Variants in VPS13D observed in about 807,000 individuals in gnomAD.
VPS13D encodes the protein intermembrane lipid transfer protein VPS13D.
VPS13D carries 187 observed loss-of-function variants against 461.9 expected under a neutral mutation model. That is an observed-to-expected ratio of 0.40 (90% CI 0.36 to 0.46). VPS13D has a LOEUF of 0.46. VPS13D is among the 20% of genes least tolerant of loss of function. VPS13D has a pLI of 0.60. For missense variants in VPS13D, 4,711 were observed against 5,364.9 expected (o/e 0.88, Z 3.81); for synonymous variants, 1,951 against 1,986.3 (o/e 0.98, Z 0.47).
At position 12,249,215 on chromosome 1, in the gene VPS13D, C is replaced by T. The variant is rs1414109534; in HGVS notation, c.448-8C>T. On this transcript the variant is annotated splice_region_variant and splice_polypyrimidine_tract_variant and intron_variant, in intron 5 of 69. Transcript: ENST00000620676. The stretch of plus-strand genomic sequence containing the variant: ...GCATCAGCTGCTTTTTCTTTTTTCT[C>T]TTTGCAGTTAAAAATTCAAGATGTC... 3.7e-6 allele frequency: 6 copies of T among 1,602,614 alleles called. No individual in the cohort carries two copies. Among genetic ancestry groups the T allele is most frequent in the Non-Finnish European group, 4.3e-6 (5 of 1,173,768 alleles).
At chr1:12,356,194 A>G (rs769509945) in intron 48 of VPS13D, 104 bp downstream of exon 48, 4 of 1,430,382 alleles carry the variant, frequency 2.8e-6, no homozygotes, top group Non-Finnish European at 3.8e-6. Flanking sequence ...GATTACTTCA[A>G]CAGTCTGAGC....
chr1:12,275,745 A>G (rs574197615), intron 18 of VPS13D, 80 bp from the exon 19 acceptor site: 33 of 1,426,546 alleles, frequency 2.3e-5, no homozygotes, highest in Non-Finnish European at 2.8e-5. Flanking sequence ...TTGATTCTCT[A>G]CCTTTCATAA....
rs769584725 is a variant in VPS13D at position 12,277,337 on chromosome 1, A to G, written c.3749A>G (p.Asp1250Gly). 5 of 1,614,208 alleles carry G rather than the reference A, an allele frequency of 3.1e-6. No individual in the cohort carries two copies. In the South Asian group the frequency reaches 3.3e-5, roughly 11 times the overall value. Reference protein sequence around the residue: ...NSVGYENIISDIGYFESVFVR... With the variant: ...NSVGYENIISGIGYFESVFVR... The stretch of plus-strand genomic sequence containing the variant: ...GTAGGCTATGAAAATATCATCAGTG[A>G]TATTGGCTACTTTGAATCTGTGTTT... The change falls in exon 19 of 70, where the codon GAT becomes GGT. Residue 1250 changes from aspartate to glycine, a missense_variant. Physicochemically the swap from Asp to Gly is moderately conservative, Grantham distance 94. Coordinates refer to ENST00000620676, the MANE Select transcript of VPS13D (RefSeq NM_015378.4).
intron 60 of VPS13D, among the ~76,000 whole-genome samples, chr1:12,387,055 CA>C (rs1188949318): frequency 6.6e-6 from 1 of 152,174 alleles, no homozygotes. Flanking sequence ...AAGTATTAGT[CA>C]GTGATGTATG....
intron 17 of VPS13D, 88 bp downstream of exon 17, chr1:12,271,212 T>C: frequency 1.3e-6 from 2 of 1,519,064 alleles, no homozygotes; most frequent in African/African-American, 1.4e-5. Flanking sequence ...TAGATAGGCT[T>C]ACTTATATCA....
At chr1:12,454,155 G>C (rs1645296768) in intron 65 of VPS13D, among the ~76,000 whole-genome samples, 1 of 152,128 alleles carries the variant, frequency 6.6e-6, no homozygotes, top group African/African-American at 2.4e-5. Flanking sequence ...AGGTACTCTG[G>C]CTATTCTCCA....
In VPS13D at chr1:12,308,598, G is replaced by C. The variant is rs766287332; in HGVS notation, c.6607G>C (p.Glu2203Gln). 11 of 1,613,802 alleles carry C rather than the reference G, an allele frequency of 6.8e-6. No homozygotes were observed. The highest frequency in any genetic ancestry group is 2.7e-5 in the African/African-American group (2 of 74,856). ...ACAGACAGGAGGAAGCCTCTTAACC[G>C]AGCCTTGTAGGCTGAAATTGCAGGT... ...VRQTGGSLLT[E>Q]PCRLKLQVER... Residue 2203 changes from glutamate to glutamine, a missense_variant, in exon 27 of 70, where the codon GAG (glutamate) becomes CAG (glutamine). By Grantham distance (29) the Glu-to-Gln change is conservative (BLOSUM62 2). This residue lies in a region of VPS13D where 4,411 missense variants were observed against 4,937.8 expected (regional missense o/e 0.89). Coordinates refer to ENST00000620676, the MANE Select transcript of VPS13D (RefSeq NM_015378.4).
rs961634124 is a variant in VPS13D at position 12,509,259 on chromosome 1, A to G, written c.*235A>G. On this transcript the variant is annotated 3_prime_UTR_variant, in exon 70 of 70. Transcript: ENST00000620676. ...AATTTTTAAAGGTATTGGTTAAATA[A>G]CGTTTAAAAACATGTACTGAGATGA... The G allele has an allele frequency of 2.0e-6, 1 of 504,398 alleles. No homozygotes were observed. Among genetic ancestry groups the G allele is most frequent in the Non-Finnish European group, 3.4e-6 (1 of 292,920 alleles). The allele number at this position is 504,398 out of a possible 1,614,324, so 31.2% of individuals were successfully genotyped here. A position where few individuals can be genotyped will look rare whatever the true frequency, so the allele number is the denominator to read the frequency against.
chr1:12,508,764 A>G, intron 69 of VPS13D, 129 bp from the exon 70 acceptor site: 1 of 1,002,320 alleles, frequency 1.0e-6, no homozygotes, highest in East Asian at 2.6e-5. Flanking sequence ...AGCCCTGGCC[A>G]TCACTGTTTC....
intron 1 of VPS13D, among the ~76,000 whole-genome samples, chr1:12,233,018 T>C (rs1360992605): frequency 2.0e-5 from 3 of 151,746 alleles, no homozygotes; most frequent in Non-Finnish European, 4.4e-5. Context: ...TTTTCTTTTT[T>C]TTTTTGAGAT....
chr1:12,245,357 C>T (rs531114849), intron 5 of VPS13D, among the ~76,000 whole-genome samples: 9 of 152,244 alleles, frequency 5.9e-5, no homozygotes, highest in East Asian at 1.9e-4. Context: ...TTTTTGATTT[C>T]GTAACTTTCC....
intron 67 of VPS13D, among the ~76,000 whole-genome samples, chr1:12,483,263 T>C (rs952983603): frequency 4.6e-5 from 7 of 152,254 alleles, no homozygotes; most frequent in Non-Finnish European, 1.0e-4. Context: ...TGCCAGATAC[T>C]GTACTCAGAA....
intron 60 of VPS13D, among the ~76,000 whole-genome samples, chr1:12,391,837 C>T (rs1009923668): frequency 6.6e-6 from 1 of 152,068 alleles, no homozygotes; most frequent in Non-Finnish European, 1.5e-5. Flanking sequence ...AACACTTTTA[C>T]TCCCAAAAGA....
At chr1:12,420,861 G>C (rs989906891) in intron 65 of VPS13D, among the ~76,000 whole-genome samples, 2 of 152,166 alleles carry the variant, frequency 1.3e-5, no homozygotes, top group African/African-American at 4.8e-5. Flanking sequence ...ACCCAGTGAG[G>C]AGTTAAAAGG....
At chr1:12,405,234 C>T (rs983400945) in intron 63 of VPS13D, among the ~76,000 whole-genome samples, 3 of 152,202 alleles carry the variant, frequency 2.0e-5, no homozygotes, top group African/African-American at 7.2e-5. Context: ...CTGGTGTTGC[C>T]AGATCTTCAG....
chr1:12,314,035 C>T (rs760051726), intron 29 of VPS13D, 80 bp from the exon 30 acceptor site: 32 of 1,288,864 alleles, frequency 2.5e-5, no homozygotes, highest in African/African-American at 1.3e-4. Context: ...TGATTTTGCT[C>T]GTTATCTCGA....
chr1:12,281,735 G>A (rs1215749666), intron 20 of VPS13D, among the ~76,000 whole-genome samples: 1 of 151,998 alleles, frequency 6.6e-6, no homozygotes, highest in Non-Finnish European at 1.5e-5. Flanking sequence ...TTCACATAAT[G>A]GTTTATTCCA....
chr1:12,233,164 C>T (rs755014904), intron 1 of VPS13D, among the ~76,000 whole-genome samples: 1 of 152,116 alleles, frequency 6.6e-6, no homozygotes, highest in Non-Finnish European at 1.5e-5. Context: ...TGCCACCATG[C>T]CTGGCTAAGT....
At chr1:12,478,296 G>A (rs1645662034) in intron 67 of VPS13D, among the ~76,000 whole-genome samples, 2 of 152,266 alleles carry the variant, frequency 1.3e-5, no homozygotes, top group African/African-American at 4.8e-5. Flanking sequence ...CGAGGAATGC[G>A]GCTTCAGGGT....
Sources: gnomAD v4.1 joint callset for allele counts (sites outside exome capture counted in the v4.1 genomes callset) on GRCh38, gnomAD v4.1.1 for gene constraint, gnomAD v4.1.1 regional missense constraint, MANE v1.5 for transcripts, NCBI Gene and HGNC (gene_info 2026-07-23, HGNC 2026-07-21) for gene names.